TET1: variants seen among roughly 807,000 people sequenced by gnomAD.
TET1 encodes tet methylcytosine dioxygenase 1.
A neutral mutation model predicts 148.7 loss-of-function variants in TET1; 13 were observed. The observed-to-expected ratio is 0.09, with a 90% CI of 0.06 to 0.14. TET1 has a LOEUF of 0.14. TET1 is among the 10% of genes least tolerant of loss of function. The pLI is 1.00. For missense variants in TET1, 2,182 were observed against 2,553.8 expected (o/e 0.85, Z 3.14); for synonymous variants, 907 against 937.2 (o/e 0.97, Z 0.59).
At chr10:68,621,384 G>A (rs2054368751) in intron 3 of TET1, among the ~76,000 whole-genome samples, 1 of 152,074 alleles carries the variant, frequency 6.6e-6, no homozygotes. Flanking sequence ...AGGAGTTTGA[G>A]ACTAGCCTGG....
chr10:68,671,983 C>T (rs2055278264), intron 7 of TET1, among the ~76,000 whole-genome samples: 1 of 152,122 alleles, frequency 6.6e-6, no homozygotes, highest in Non-Finnish European at 1.5e-5. Context: ...ACCTCATGAT[C>T]CGCCCACCTT....
chr10:68,650,874 G>A (rs945121454), intron 4 of TET1, among the ~76,000 whole-genome samples: 16 of 152,050 alleles, frequency 1.1e-4, no homozygotes, highest in African/African-American at 3.9e-4. Flanking sequence ...GAAATACGAC[G>A]CAAACATCTT....
chr10:68,572,169 A>G (rs997904871), intron 1 of TET1, 48 bp from the exon 2 acceptor site: 2 of 584,518 alleles, frequency 3.4e-6, no homozygotes, highest in Non-Finnish European at 6.1e-6. Flanking sequence ...CAAATAGGGG[A>G]ATGCATAGGA....
At chr10:68,622,759 T>C (rs1294277304) in intron 3 of TET1, among the ~76,000 whole-genome samples, 1 of 151,486 alleles carries the variant, frequency 6.6e-6, no homozygotes, top group Non-Finnish European at 1.5e-5. Context: ...AGAAAATTTT[T>C]GTAGAGACAG....
chr10:68,614,989 A>G (rs751175964), intron 3 of TET1, among the ~76,000 whole-genome samples: 2 of 151,000 alleles, frequency 1.3e-5, no homozygotes, highest in Non-Finnish European at 2.9e-5. Context: ...TGGCACTCCA[A>G]CGTGGTGTGA....
chr10:68,632,575 G>C, intron 3 of TET1: 1 of 1,602,346 alleles, frequency 6.2e-7, no homozygotes, highest in East Asian at 2.2e-5. Flanking sequence ...GTTTATCTTG[G>C]TGACTTTGGG....
rs142717941 is a variant in TET1 at position 68,600,394 on chromosome 10, G to A, written c.1915-587G>A. Among the ~76,000 whole-genome samples, 130 of 152,262 alleles carry A rather than the reference G, an allele frequency of 8.5e-4. 1 individual carries two copies. The highest frequency in any genetic ancestry group is 2.9e-3 in the African/African-American group (122 of 41,546). On this transcript the variant is annotated intron_variant, in intron 2 of 11. Transcript: ENST00000373644. ...TTGAAGCCTCCTGTGATTTCGGCGCGACCAGATCCTCTGCAGCGAACTCCA... is the reference window on the plus strand; with the variant it reads ...TTGAAGCCTCCTGTGATTTCGGCGCAACCAGATCCTCTGCAGCGAACTCCA...
chr10:68,673,614 T>G, intron 8 of TET1: 8 of 155,162 alleles, frequency 5.2e-5, no homozygotes, highest in East Asian at 1.8e-4. Flanking sequence ...GGGTAGGCAG[T>G]GGGAGGGGGT....
intron 6 of TET1, 83 bp downstream of exon 6, chr10:68,652,677 CTTTAT>C (rs1343975858): frequency 1.1e-6 from 1 of 930,418 alleles, no homozygotes; most frequent in Non-Finnish European, 1.6e-6. Flanking sequence ...CCAGAGTGAT[CTTTAT>C]TTTATTTATT....
intron 6 of TET1, among the ~76,000 whole-genome samples, chr10:68,661,196 A>ATTTTTTTTTTT (rs974912892): frequency 5.6e-3 from 441 of 78,626 alleles, no homozygotes; most frequent in African/African-American, 9.1e-3. Flanking sequence ...CGCCTGGCTA[A>ATTTTTTTTTTT]TTTTTTTTTT....
chr10:68,682,164 A>G (rs1177654995), intron 9 of TET1, among the ~76,000 whole-genome samples: 1 of 119,560 alleles, frequency 8.4e-6, no homozygotes, highest in African/African-American at 3.2e-5. Context: ...GCTGTGGCGC[A>G]ATCTCAGCCT....
At chr10:68,600,836 G>A in intron 2 of TET1, 145 bp from the exon 3 acceptor site, 2 of 668,996 alleles carry the variant, frequency 3.0e-6, no homozygotes, top group Non-Finnish European at 5.2e-6. Context: ...TTTTACATAA[G>A]CTCTTTAGGT....
chr10:68,624,999 G>T (rs1011386714), intron 3 of TET1, among the ~76,000 whole-genome samples: 2 of 152,000 alleles, frequency 1.3e-5, no homozygotes, highest in Non-Finnish European at 2.9e-5. Context: ...CTCCCAAAGT[G>T]CTGGGATTAC....
Position 68,592,881 on chromosome 10 carries a change from C to T in TET1, c.1915-8100C>T, listed in dbSNP as rs7922597. Among the ~76,000 whole-genome samples, 965 of 152,038 alleles carry T rather than the reference C, an allele frequency of 6.3e-3. 18 individuals carry two copies. Among genetic ancestry groups the T allele is most frequent in the African/African-American group, 0.022 (922 of 41,468 alleles). On this transcript the variant is annotated intron_variant, in intron 2 of 11. Coordinates refer to ENST00000373644, the MANE Select transcript of TET1 (RefSeq NM_030625.3). The stretch of plus-strand genomic sequence containing the variant: ...GTGTCTCTTAGAAGATGGTAGTTTC[C>T]GGGTGGGTGGCAACAATGACATTCC...
intron 2 of TET1, among the ~76,000 whole-genome samples, chr10:68,598,273 C>A (rs752926323): frequency 2.0e-4 from 30 of 152,180 alleles, no homozygotes; most frequent in Non-Finnish European, 3.8e-4. Flanking sequence ...TGTCTGTAAT[C>A]CCAGCTACTC....
rs1388182777 is a variant in TET1 at position 68,565,475 on chromosome 10, A to AAAAAAATATATAT, written c.-123+4734_-123+4735insAAAAATATATATA. On this transcript the variant is annotated intron_variant, in intron 1 of 11. Coordinates refer to ENST00000373644, the MANE Select transcript of TET1 (RefSeq NM_030625.3). ...AGCAAGACCCTGTTTAAAAAAAAAA[A>AAAAAAATATATAT]ATATATATATATATATATATATATG... Among the ~76,000 whole-genome samples the AAAAAAATATATAT allele has an allele frequency of 4.6e-5, 6 of 129,230 alleles. No individual in the cohort carries two copies. The Admixed American group carries it at 5.0e-4, about 11-fold the overall frequency. 84.8% of individuals were successfully genotyped at this position (129,230 alleles called of 152,430 possible). A position where few individuals can be genotyped will look rare whatever the true frequency, so the allele number is the denominator to read the frequency against.
intron 6 of TET1, among the ~76,000 whole-genome samples, chr10:68,660,399 G>T (rs1183462089): frequency 6.9e-6 from 1 of 144,184 alleles, no homozygotes; most frequent in Non-Finnish European, 1.5e-5. Context: ...GAGTGCAATG[G>T]CACAATCTGG....
At chr10:68,615,213 G>A (rs563289847) in intron 3 of TET1, among the ~76,000 whole-genome samples, 1 of 151,976 alleles carries the variant, frequency 6.6e-6, no homozygotes, top group Non-Finnish European at 1.5e-5. Flanking sequence ...TTACAGGCTT[G>A]AGCCACCGCT....
At chr10:68,688,376 A>G (rs972684895) in intron 11 of TET1, among the ~76,000 whole-genome samples, 5 of 147,538 alleles carry the variant, frequency 3.4e-5, no homozygotes, top group African/African-American at 5.0e-5. Flanking sequence ...GAGAGCCACC[A>G]CGCCCGGCTG....
Sources: gnomAD v4.1 joint callset for allele counts (sites outside exome capture counted in the v4.1 genomes callset) on GRCh38, gnomAD v4.1.1 for gene constraint, MANE v1.5 for transcripts, NCBI Gene and HGNC (gene_info 2026-07-23, HGNC 2026-07-21) for gene names.